The following WDPCP variants were observed in gnomAD, a reference collection of about 807,000 sequenced individuals.
WDPCP encodes WD repeat-containing and planar cell polarity effector protein fritz homolog.
WDPCP carries 71 observed loss-of-function variants against 93.1 expected under a neutral mutation model. That is an observed-to-expected ratio of 0.76 (90% CI 0.63 to 0.93). WDPCP has a LOEUF of 0.93. WDPCP is among the 40% of genes least tolerant of loss of function. WDPCP has a pLI of 0.00. For missense variants in WDPCP, 844 were observed against 887.4 expected, an observed-to-expected ratio of 0.95 and a Z score of 0.62; for synonymous variants, 315 against 315.0, an observed-to-expected ratio of 1.00 and a Z score of 0.00.
intron 2 of WDPCP, among the ~76,000 whole-genome samples, chr2:63,676,498 G>A (rs1448102449): frequency 6.6e-6 from 1 of 151,954 alleles, no homozygotes; most frequent in East Asian, 1.9e-4. Context: ...TACCTACAAA[G>A]ATTAAAAAAT....
intron 13 of WDPCP, among the ~76,000 whole-genome samples, chr2:63,298,369 C>A (rs1685037792): frequency 6.6e-6 from 1 of 151,508 alleles, no homozygotes; most frequent in Non-Finnish European, 1.5e-5. Flanking sequence ...CTGGGTGTCG[C>A]CAGAAGAGAT....
intron 2 of WDPCP, among the ~76,000 whole-genome samples, chr2:63,773,445 G>A (rs1277259206): frequency 3.3e-5 from 5 of 151,944 alleles, no homozygotes; most frequent in Non-Finnish European, 1.5e-5. Flanking sequence ...AGCAGGGAAG[G>A]GTGACTGGGA....
chr2:63,288,497 T>C (rs1023007749), intron 13 of WDPCP, among the ~76,000 whole-genome samples: 2 of 152,238 alleles, frequency 1.3e-5, no homozygotes, highest in African/African-American at 2.4e-5. Flanking sequence ...AGATCTGTGA[T>C]AGTAAGTGAA....
At chr2:63,287,067 G>T (rs1174834926) in intron 13 of WDPCP, among the ~76,000 whole-genome samples, 1 of 152,170 alleles carries the variant, frequency 6.6e-6, no homozygotes, top group Non-Finnish European at 1.5e-5. Flanking sequence ...CCTTCTTGCT[G>T]TGTCCTCACA....
chr2:63,542,242 ATTT>A (rs530944926), intron 1 of WDPCP, among the ~76,000 whole-genome samples: 1 of 150,204 alleles, frequency 6.7e-6, no homozygotes, highest in Non-Finnish European at 1.5e-5. Context: ...GGAAGGAAGC[ATTT>A]TTTTTTTCTT....
At chr2:63,713,954 C>A (rs571134646) in intron 2 of WDPCP, among the ~76,000 whole-genome samples, 1 of 151,888 alleles carries the variant, frequency 6.6e-6, no homozygotes, top group Non-Finnish European at 1.5e-5. Flanking sequence ...TGGTTATTGT[C>A]GTTGTTGTTG....
At chr2:63,328,007 G>A (rs1381949839) in intron 12 of WDPCP, among the ~76,000 whole-genome samples, 5 of 152,256 alleles carry the variant, frequency 3.3e-5, no homozygotes, top group South Asian at 2.1e-4. Context: ...AGCAGTCATC[G>A]GCCAAATTCC....
intron 1 of WDPCP, among the ~76,000 whole-genome samples, chr2:63,499,677 A>T (rs990902032): frequency 1.1e-4 from 17 of 152,364 alleles, no homozygotes; most frequent in African/African-American, 4.1e-4. Flanking sequence ...AATCGACAGC[A>T]TATGGGCACT....
At chr2:63,474,846 A>G (rs1699881917) in intron 6 of WDPCP, among the ~76,000 whole-genome samples, 1 of 152,162 alleles carries the variant, frequency 6.6e-6, no homozygotes, top group African/African-American at 2.4e-5. Flanking sequence ...TATATCAACT[A>G]TGTAATCTTT....
chr2:63,605,247 T>TA (rs780223346), intron 3 of WDPCP: 2 of 1,412,842 alleles, frequency 1.4e-6, no homozygotes, highest in African/African-American at 2.8e-5. Context: ...CATGACCAAG[T>TA]AATACTGCTG....
intron 2 of WDPCP, among the ~76,000 whole-genome samples, chr2:63,797,889 C>T (rs905295213): frequency 2.6e-5 from 4 of 152,048 alleles, no homozygotes; most frequent in Non-Finnish European, 5.9e-5. Context: ...AATACTCAAA[C>T]TGCCAAAGGT....
intron 6 of WDPCP, among the ~76,000 whole-genome samples, chr2:63,464,049 T>G (rs1370983151): frequency 6.6e-6 from 1 of 152,046 alleles, no homozygotes; most frequent in East Asian, 1.9e-4. Context: ...CCTTTAGGTA[T>G]CAAAAGACAC....
chr2:63,197,255 G>A (rs1306033568), intron 14 of WDPCP, among the ~76,000 whole-genome samples: 1 of 151,598 alleles, frequency 6.6e-6, no homozygotes. Context: ...CCTTCCTTAT[G>A]ATTTTTATAA....
At chr2:63,721,763 CTTTCCACGGTCTCCCTCTCATGCTG>C (rs1669418799) in intron 2 of WDPCP, among the ~76,000 whole-genome samples, 1 of 135,342 alleles carries the variant, frequency 7.4e-6, no homozygotes, top group South Asian at 2.5e-4. Context: ...CTCTCCCTCT[CTTTCCACGGTCTCCCTCTCATGCTG>C]AGCCGAAGCT....
At chr2:63,564,544 G>C (rs1706879101) in intron 1 of WDPCP, 1 of 152,028 alleles carries the variant, frequency 6.6e-6, no homozygotes, top group African/African-American at 2.4e-5. Context: ...GAGTTTTCTT[G>C]TTTCTGTCAT....
At chr2:63,507,091 A>T (rs1321612771) in intron 1 of WDPCP, among the ~76,000 whole-genome samples, 1 of 152,210 alleles carries the variant, frequency 6.6e-6, no homozygotes, top group Non-Finnish European at 1.5e-5. Flanking sequence ...TTATGAAGAA[A>T]TAATGCAAGA....
At chr2:63,279,544 T>TAAA (rs1683352927) in intron 13 of WDPCP, among the ~76,000 whole-genome samples, 1 of 152,082 alleles carries the variant, frequency 6.6e-6, no homozygotes, top group African/African-American at 2.4e-5. Context: ...CCCTGAGAAC[T>TAAA]GGAAAAAGAC....
intron 2 of WDPCP, among the ~76,000 whole-genome samples, chr2:63,740,867 T>A (rs772881307): frequency 6.6e-6 from 1 of 152,180 alleles, no homozygotes; most frequent in African/African-American, 2.4e-5. Flanking sequence ...GTTAATTGTC[T>A]TTTGGTATAA....
chr2:63,828,984 A>G (rs1223783586), upstream of WDPCP, among the ~76,000 whole-genome samples: 1 of 152,196 alleles, frequency 6.6e-6, no homozygotes, highest in African/African-American at 2.4e-5. Context: ...AAAAGCTTAT[A>G]AATTTGTATT....
Sources: gnomAD v4.1 joint callset for allele counts (sites outside exome capture counted in the v4.1 genomes callset) on GRCh38, gnomAD v4.1.1 for gene constraint, MANE v1.5 for transcripts, NCBI Gene and HGNC (gene_info 2026-07-23, HGNC 2026-07-21) for gene names.